SLC35G2: variants seen among roughly 807,000 people sequenced by gnomAD.
The protein encoded by SLC35G2 is transmembrane protein 22.
In SLC35G2, 20 loss-of-function variants were observed where a neutral mutation model predicts 27.2. The ratio of observed to expected loss-of-function variants is 0.74; its 90% CI spans 0.52 to 1.07. The LOEUF (loss-of-function observed/expected upper bound fraction) is 1.07, where lower values mean the gene tolerates loss of function less well. Ranked by LOEUF, SLC35G2 falls within the 50% of genes least tolerant of loss-of-function variation. SLC35G2 has a pLI of 0.00. For missense variants in SLC35G2, 416 were observed against 493.3 expected (o/e 0.84, Z 1.48); for synonymous variants, 148 against 165.3 (o/e 0.90, Z 0.80).
Position 136,855,290 on chromosome 3 carries a change from C to T in SLC35G2, c.830C>T (p.Ser277Phe), listed in dbSNP as rs1937946026. 1 of 1,614,158 alleles carries T rather than the reference C, an allele frequency of 6.2e-7. No individual in the cohort carries two copies. Among genetic ancestry groups the T allele is most frequent in the East Asian group, 2.2e-5 (1 of 44,884 alleles). ...TTALSMIVYR[S>F]IKEKISMWTA... ...GCTCTCTCAATGATAGTATACAGATCCATCAAGGAGAAGATCAGCATGTGG... is the reference window on the plus strand; with the variant it reads ...GCTCTCTCAATGATAGTATACAGATTCATCAAGGAGAAGATCAGCATGTGG... Residue 277 changes from serine to phenylalanine, a missense_variant, in exon 2 of 2, where the codon TCC becomes TTC. Physicochemically the swap from Ser to Phe is radical, Grantham distance 155. Coordinates refer to ENST00000446465, the MANE Select transcript of SLC35G2 (RefSeq NM_025246.3).
rs745807432 is a variant in SLC35G2, at chr3:136,855,745, C to T, written c.*46C>T. The T allele has an allele frequency of 7.6e-7, 1 of 1,309,216 alleles. No individual in the cohort carries two copies. The highest frequency in any genetic ancestry group is 1.1e-6 in the Non-Finnish European group (1 of 911,448). The allele number at this position is 1,309,216 out of a possible 1,614,324, so 81.1% of individuals were successfully genotyped here. ...CATTAATGTTCAGTTATTATGTATA[C>T]TGCCATTTTAATGTTTACCTATGAA... On this transcript the variant is annotated 3_prime_UTR_variant, in exon 2 of 2. Transcript: ENST00000446465.
chr3:136,854,393 A>T, intron 1 of SLC35G2, 50 bp from the exon 2 acceptor site: 2 of 1,233,490 alleles, frequency 1.6e-6, no homozygotes, highest in African/African-American at 1.5e-5. Context: ...AATAGAAATT[A>T]AATTTTCAAT....
intron 1 of SLC35G2, among the ~76,000 whole-genome samples, chr3:136,835,007 T>C (rs1360593559): frequency 6.6e-6 from 1 of 152,234 alleles, no homozygotes. Flanking sequence ...TATCCCTAAC[T>C]ACTTAAGTGT....
chr3:136,833,546 C>G (rs886665604), intron 1 of SLC35G2, among the ~76,000 whole-genome samples: 7 of 152,170 alleles, frequency 4.6e-5, no homozygotes, highest in South Asian at 4.1e-4. Flanking sequence ...GGTGTGTTCA[C>G]GAATGGTTTC....
chr3:136,824,616 T>C (rs952036706), intron 1 of SLC35G2, among the ~76,000 whole-genome samples: 1 of 152,242 alleles, frequency 6.6e-6, no homozygotes, highest in Non-Finnish European at 1.5e-5. Context: ...AACAGTAGTT[T>C]ACTAATGAAT....
intron 1 of SLC35G2, among the ~76,000 whole-genome samples, chr3:136,852,410 C>T (rs1383661293): frequency 1.3e-5 from 2 of 151,778 alleles, no homozygotes; most frequent in Admixed American, 6.6e-5. Flanking sequence ...TATTTCTGGG[C>T]CATTGTTTAA....
rs755712344 is a variant in SLC35G2 at position 136,854,477 on chromosome 3, C to T, written c.17C>T (p.Ser6Phe). Residue 6 changes from serine (S) to phenylalanine (F), a missense_variant, in exon 2 of 2, where the codon TCC becomes TTC. Physicochemically the swap from Ser to Phe is radical, Grantham distance 155 (BLOSUM62 -2). Coordinates refer to ENST00000446465, the MANE Select transcript of SLC35G2 (RefSeq NM_025246.3). ...TCTGAAGAAATGGATACTTCTCCCT[C>T]CAGAAAATATCCAGTTAAAAAACGG... The part of the protein sequence containing the change: MDTSP[S>F]RKYPVKKRVK... 8 of 1,577,498 alleles carry T rather than the reference C, an allele frequency of 5.1e-6. No homozygotes were observed. The South Asian group carries it at 7.0e-5, about 14-fold the overall frequency.
chr3:136,844,797 CAAAAAAA>C (rs58243269), intron 1 of SLC35G2, among the ~76,000 whole-genome samples: 219 of 35,768 alleles, frequency 6.1e-3, no homozygotes, highest in Middle Eastern at 0.024. Context: ...CTCTCTGTCT[CAAAAAAA>C]AAAAAAAAAA....
intron 1 of SLC35G2, among the ~76,000 whole-genome samples, chr3:136,823,483 C>T (rs1576884463): frequency 6.6e-6 from 1 of 152,160 alleles, no homozygotes; most frequent in African/African-American, 2.4e-5. Context: ...GAAATTTTAG[C>T]CCAGAACAAT....
intron 1 of SLC35G2, 191 bp downstream of exon 1, chr3:136,819,819 C>T (rs928655794): frequency 5.9e-5 from 9 of 152,216 alleles, no homozygotes; most frequent in Non-Finnish European, 1.2e-4. Context: ...CATCTTTTCC[C>T]AAGGGAAGAC....
intron 1 of SLC35G2, among the ~76,000 whole-genome samples, chr3:136,852,094 G>A (rs762153810): frequency 6.6e-6 from 1 of 152,172 alleles, no homozygotes; most frequent in Non-Finnish European, 1.5e-5. Context: ...CATAAATGAG[G>A]ACATTAGGGA....
chr3:136,826,033 A>ATTTTT (rs1334036672), intron 1 of SLC35G2, among the ~76,000 whole-genome samples: 3 of 148,256 alleles, frequency 2.0e-5, no homozygotes, highest in African/African-American at 7.5e-5. Flanking sequence ...TCTTTTCTTT[A>ATTTTT]TTTTATTTTA....
chr3:136,834,042 A>T (rs1429279834), intron 1 of SLC35G2, among the ~76,000 whole-genome samples: 1 of 152,002 alleles, frequency 6.6e-6, no homozygotes, highest in Non-Finnish European at 1.5e-5. Flanking sequence ...GTATATATTT[A>T]TGTATTGCAT....
chr3:136,820,387 C>G (rs1936425328), intron 1 of SLC35G2: 1 of 152,220 alleles, frequency 6.6e-6, no homozygotes, highest in South Asian at 2.1e-4. Flanking sequence ...TGCACCTTTG[C>G]CAAAAATAGC....
At chr3:136,849,997 C>T (rs1937574565) in intron 1 of SLC35G2, among the ~76,000 whole-genome samples, 2 of 152,126 alleles carry the variant, frequency 1.3e-5, no homozygotes, top group African/African-American at 4.8e-5. Flanking sequence ...ATCCCAGCTA[C>T]TGTGGAGGCT....
chr3:136,854,377 G>T, intron 1 of SLC35G2, 66 bp from the exon 2 acceptor site: 1 of 1,065,574 alleles, frequency 9.4e-7, no homozygotes. Flanking sequence ...TGATGCATAT[G>T]ATTATAATAG....
At chr3:136,832,695 T>C (rs932687132) in intron 1 of SLC35G2, among the ~76,000 whole-genome samples, 1 of 152,220 alleles carries the variant, frequency 6.6e-6, no homozygotes, top group African/African-American at 2.4e-5. Flanking sequence ...ATAGCTGATG[T>C]GATGTCAGAC....
At position 136,829,370 on chromosome 3, in the gene SLC35G2, C is replaced by T. The variant is rs183704304; in HGVS notation, c.-19+9742C>T. On this transcript the variant is annotated intron_variant, in intron 1 of 1. Coordinates refer to ENST00000446465, the MANE Select transcript of SLC35G2 (RefSeq NM_025246.3). ...CCAAGTAGCTGGGACTTCAGGCGGCCGCCACTATGCCCGGCTAATTTTTGT... is the reference window on the plus strand; with the variant it reads ...CCAAGTAGCTGGGACTTCAGGCGGCTGCCACTATGCCCGGCTAATTTTTGT... Among the ~76,000 whole-genome samples, 1,504 of 151,974 alleles carry T rather than the reference C, an allele frequency of 9.9e-3. 14 individuals carry two copies. Among genetic ancestry groups the T allele is most frequent in the Non-Finnish European group, 0.016 (1,061 of 67,958 alleles).
chr3:136,836,592 C>T (rs1429945948), intron 1 of SLC35G2, among the ~76,000 whole-genome samples: 1 of 152,150 alleles, frequency 6.6e-6, no homozygotes, highest in Non-Finnish European at 1.5e-5. Context: ...GGCCCTTGGA[C>T]TAATGAGATG....
Sources: allele counts gnomAD v4.1 joint callset (sites outside exome capture counted in the v4.1 genomes callset), GRCh38; gene constraint gnomAD v4.1.1; transcripts MANE v1.5; gene names NCBI Gene and HGNC (gene_info 2026-07-23, HGNC 2026-07-21).